OGT: variants seen among roughly 807,000 people sequenced by gnomAD.
OGT encodes the protein O-linked N-acetylglucosamine (GlcNAc) transferase, also known as UDP-N-acetylglucosamine--peptide N-acetylglucosaminyltransferase 110 kDa subunit.
A neutral mutation model predicts 75.8 loss-of-function variants in OGT; 3 were observed. The observed-to-expected ratio is 0.04, with a 90% CI of 0.02 to 0.10. The LOEUF (loss-of-function observed/expected upper bound fraction) is 0.10. Ranked by LOEUF, OGT falls within the 10% of genes least tolerant of loss-of-function variation. The pLI is 1.00. For missense variants in OGT, 260 were observed against 824.4 expected, an observed-to-expected ratio of 0.32 and a Z score of 8.38; for synonymous variants, 257 against 289.7, an observed-to-expected ratio of 0.89 and a Z score of 1.15.
chrX:71,571,718 G>A (rs1206603307), intron 21 of OGT, among the ~76,000 whole-genome samples: 1 of 111,156 alleles, frequency 9.0e-6, no homozygotes, highest in Non-Finnish European at 1.9e-5. Context: ...TTTTGAGGCG[G>A]AAGTTATATA....
intron 15 of OGT, among the ~76,000 whole-genome samples, chrX:71,562,292 C>G (rs1310838213): frequency 4.5e-5 from 5 of 112,337 alleles, no homozygotes; most frequent in Non-Finnish European, 9.4e-5. Flanking sequence ...AGCAAAACAC[C>G]CTATCTCTAC....
At chrX:71,568,166 T>C in intron 21 of OGT, 50 bp downstream of exon 21, 1 of 1,057,376 alleles carries the variant, frequency 9.5e-7, no homozygotes, top group Non-Finnish European at 1.3e-6. Flanking sequence ...AGAGAGAATA[T>C]AGCTGTTATA....
chrX:71,542,712 A>G (rs1250258471), intron 3 of OGT, among the ~76,000 whole-genome samples: 1 of 112,519 alleles, frequency 8.9e-6, no homozygotes, highest in Non-Finnish European at 1.9e-5. Context: ...ACAATTATCA[A>G]GTAGTAGAAG....
intron 4 of OGT, 195 bp from the exon 5 acceptor site, chrX:71,547,712 A>T: frequency 9.3e-7 from 1 of 1,069,869 alleles, no homozygotes; most frequent in Non-Finnish European, 1.2e-6. Context: ...GCGCAGGAGC[A>T]GCCAGCTGTG....
intron 3 of OGT, among the ~76,000 whole-genome samples, chrX:71,543,734 A>ATG (rs1156448647): frequency 0.017 from 1,425 of 82,331 alleles, 13 homozygotes; most frequent in Non-Finnish European, 0.028. Context: ...AATATTTGAG[A>ATG]TGTGTGTGTG....
intron 2 of OGT, chrX:71,536,774 G>C (rs887669065): frequency 3.2e-5 from 5 of 155,873 alleles, no homozygotes; most frequent in African/African-American, 1.6e-4. Context: ...GTTATGGTGT[G>C]TTGCTTTTAG....
Position 71,575,686 on chromosome X carries a change from G to A in OGT, c.*1892G>A, listed in dbSNP as rs1212718606. 8.9e-6 allele frequency: 1 copy of A among 112,546 alleles called. No individual in the cohort carries two copies. Among genetic ancestry groups the A allele is most frequent in the Non-Finnish European group, 1.9e-5 (1 of 53,302 alleles). 9.3% of individuals were successfully genotyped at this position (112,546 alleles called of 1,213,427 possible). ...GGCACGAAAAGTAGCCGCTCTGGTT[G>A]AAGCTTTGCTTATTGTAACAGGCTT... On this transcript the variant is annotated 3_prime_UTR_variant, in exon 22 of 22. Coordinates refer to ENST00000373719, the MANE Select transcript of OGT (RefSeq NM_181672.3).
chrX:71,533,951 C>G (rs897312375), intron 1 of OGT, among the ~76,000 whole-genome samples: 2 of 111,722 alleles, frequency 1.8e-5, no homozygotes, highest in African/African-American at 6.5e-5. Flanking sequence ...GGTGTTCTTT[C>G]GGTTGAGCGG....
At chrX:71,539,399 A>G (rs2040201760) in intron 3 of OGT, among the ~76,000 whole-genome samples, 1 of 111,781 alleles carries the variant, frequency 8.9e-6, no homozygotes, top group African/African-American at 3.3e-5. Flanking sequence ...TATGTTGCCC[A>G]GGCTGTACTC....
intron 19 of OGT, 129 bp from the exon 20 acceptor site, chrX:71,567,363 GAAAGACTT>G: frequency 2.3e-6 from 1 of 435,885 alleles, no homozygotes; most frequent in Non-Finnish European, 3.7e-6. Flanking sequence ...CTCTGTGAAG[GAAAGACTT>G]AAGTCCACAG....
intron 2 of OGT, among the ~76,000 whole-genome samples, chrX:71,537,376 A>G (rs975162962): frequency 9.1e-6 from 1 of 109,949 alleles, no homozygotes; most frequent in Non-Finnish European, 1.9e-5. Flanking sequence ...ATCTCAGCTC[A>G]CTGCAACCTC....
intron 5 of OGT, 73 bp downstream of exon 5, chrX:71,548,096 T>C (rs2040274670): frequency 2.0e-6 from 2 of 1,015,891 alleles, no homozygotes; most frequent in Non-Finnish European, 2.7e-6. Flanking sequence ...AACTAAATAA[T>C]AGGTCTTAGC....
At chrX:71,534,623 A>G (rs969244610) in intron 1 of OGT, among the ~76,000 whole-genome samples, 1 of 111,027 alleles carries the variant, frequency 9.0e-6, no homozygotes, top group Non-Finnish European at 1.9e-5. Context: ...TGGGATTAAT[A>G]ATTAGTCCGT....
chrX:71,544,752 A>G, intron 4 of OGT, 117 bp downstream of exon 4: 1 of 588,374 alleles, frequency 1.7e-6, no homozygotes, highest in Admixed American at 2.8e-5. Context: ...AACTGAGGAA[A>G]ACTGACGGCA....
Position 71,567,603 on chromosome X carries a change from A to G in OGT, c.2693A>G (p.Asn898Ser), listed in dbSNP as rs899091443. ...GCACAAAACATGGGCCTGCCCCAGAACCGTATCATTTTTTCACCTGTTGCT... is the reference window on the plus strand; with the variant it reads ...GCACAAAACATGGGCCTGCCCCAGAGCCGTATCATTTTTTCACCTGTTGCT... The part of the protein sequence containing the change: ...QYAQNMGLPQ[N>S]RIIFSPVAPK... The change falls in exon 20 of 22, where the codon AAC becomes AGC. Residue 898 changes from asparagine (N) to serine (S), a missense_variant. Asn to Ser is a conservative substitution (Grantham distance 46). Around this residue, in one of 6 missense-constraint regions of OGT, gnomAD observed 79 missense variants for 141.0 expected, o/e 0.56. Transcript: ENST00000373719. 21 of 1,209,977 alleles carry G rather than the reference A, an allele frequency of 1.7e-5. No individual in the cohort carries two copies. Among genetic ancestry groups the G allele is most frequent in the Admixed American group, 6.6e-5 (3 of 45,770 alleles).
chrX:71,540,728 A>C (rs1450637844), intron 3 of OGT, among the ~76,000 whole-genome samples: 1 of 103,726 alleles, frequency 9.6e-6, no homozygotes, highest in Non-Finnish European at 2.0e-5. Flanking sequence ...GCTGGAGTGC[A>C]GTGGCGCGAT....
At chrX:71,567,774 G>A (rs756324020) in intron 20 of OGT, 22 bp downstream of exon 20, 23 of 1,176,253 alleles carry the variant, frequency 2.0e-5, no homozygotes, top group Non-Finnish European at 2.6e-5. Context: ...ATAAATCACT[G>A]GAATCTTCCT....
At chrX:71,540,873 A>G (rs1483065883) in intron 3 of OGT, among the ~76,000 whole-genome samples, 1 of 110,700 alleles carries the variant, frequency 9.0e-6, no homozygotes, top group African/African-American at 3.3e-5. Flanking sequence ...GGCTTTCACC[A>G]TGTTGGCCAG....
Position 71,559,249 on chromosome X carries a change from A to G in OGT, c.1603-18A>G, listed in dbSNP as rs778311896. On this transcript the variant is annotated intron_variant, in intron 12 of 21. Transcript: ENST00000373719. ...ATTTATGTAGATTTTACTAACAAGC[A>G]TTGGATTCTGTTGATAGATTAATGT... The G allele has an allele frequency of 5.8e-6, 7 of 1,196,683 alleles. No homozygotes were observed. In the East Asian group the frequency reaches 2.1e-4, roughly 35 times the overall value.
Sources: allele counts gnomAD v4.1 joint callset (sites outside exome capture counted in the v4.1 genomes callset), GRCh38; gene constraint gnomAD v4.1.1; regional missense constraint gnomAD v4.1.1; transcripts MANE v1.5; gene names NCBI Gene and HGNC (gene_info 2026-07-23, HGNC 2026-07-21).